SLC6A2: variants seen among roughly 807,000 people sequenced by gnomAD.
SLC6A2 encodes the protein solute carrier family 6 member 2.
In SLC6A2, 26 loss-of-function variants were observed where a neutral mutation model predicts 71.7. That is an observed-to-expected ratio of 0.36 (90% CI 0.27 to 0.50). The LOEUF (loss-of-function observed/expected upper bound fraction) is 0.50. Ranked by LOEUF, SLC6A2 falls within the 20% of genes least tolerant of loss-of-function variation. The pLI, the probability that SLC6A2 is intolerant of heterozygous loss-of-function variation, is 0.96. For synonymous variants in SLC6A2, 363 were observed against 337.9 expected (o/e 1.07, Z -0.82); for missense variants, 581 against 803.9 (o/e 0.72, Z 3.35).
intron 4 of SLC6A2, among the ~76,000 whole-genome samples, chr16:55,675,143 G>A (rs1335030789): frequency 6.6e-6 from 1 of 152,128 alleles, no homozygotes; most frequent in Non-Finnish European, 1.5e-5. Context: ...TGAGGAGGGC[G>A]ATGACTGACT....
At chr16:55,695,173 C>T (rs568939277) in intron 7 of SLC6A2, 105 bp from the exon 8 acceptor site, 5 of 1,361,368 alleles carry the variant, frequency 3.7e-6, no homozygotes, top group Non-Finnish European at 4.2e-6. Context: ...GGGGGGATGG[C>T]CTTTGAGGCT....
chr16:55,693,787 A>G (rs1278380081), intron 6 of SLC6A2, among the ~76,000 whole-genome samples: 1 of 152,188 alleles, frequency 6.6e-6, no homozygotes, highest in African/African-American at 2.4e-5. Context: ...GAGCTCACTC[A>G]CGACTACCCA....
chr16:55,669,682 G>GC lies in SLC6A2; in HGVS notation c.395dup (p.Phe133IlefsTer83), dbSNP rs1339442066. The GC allele has an allele frequency of 6.2e-7, 1 of 1,614,024 alleles. No homozygotes were observed. Among genetic ancestry groups the GC allele is most frequent in the Non-Finnish European group, 8.5e-7 (1 of 1,180,026 alleles). The stretch of plus-strand genomic sequence containing the variant: ...GGGGCTGCCACCGTTTGGAAAATCT[G>GC]CCCATTCTTCAAAGGTAAAGAAGGG... On this transcript the variant is annotated frameshift_variant, in exon 3 of 15. Coordinates refer to ENST00000568943, the MANE Select transcript of SLC6A2 (RefSeq NM_001172501.3). LOFTEE classifies it high-confidence loss of function.
Position 55,703,954 on chromosome 16 carries a change from A to G in SLC6A2, c.*1608A>G, listed in dbSNP as rs1391824105. On this transcript the variant is annotated 3_prime_UTR_variant, in exon 15 of 15. Transcript: ENST00000568943. ...AGGTCATTCTATAGATAAAAGAGGGAAAATCAGGAGACTTTGAATCTTTCT... is the reference window on the plus strand; with the variant it reads ...AGGTCATTCTATAGATAAAAGAGGGGAAATCAGGAGACTTTGAATCTTTCT... Among the ~76,000 whole-genome samples the G allele has an allele frequency of 1.3e-5, 2 of 152,024 alleles. No individual in the cohort carries two copies. The highest frequency in any genetic ancestry group is 4.8e-5 in the African/African-American group (2 of 41,362).
intron 3 of SLC6A2, among the ~76,000 whole-genome samples, chr16:55,670,777 A>G (rs1964884559): frequency 6.6e-6 from 1 of 152,218 alleles, no homozygotes; most frequent in Non-Finnish European, 1.5e-5. Flanking sequence ...CTTGAGTCAT[A>G]TGCCCATCTA....
chr16:55,687,108 A>T (rs1365576460), intron 5 of SLC6A2, among the ~76,000 whole-genome samples: 2 of 152,294 alleles, frequency 1.3e-5, no homozygotes, highest in African/African-American at 4.8e-5. Context: ...TTGGGTCTCT[A>T]TCCAGAGAAC....
At position 55,703,686 on chromosome 16, in the gene SLC6A2, G is replaced by C. The variant is rs1966040017; in HGVS notation, c.*1340G>C. 1 of 985,300 alleles carries C rather than the reference G, an allele frequency of 1.0e-6. No individual in the cohort carries two copies. The highest frequency in any genetic ancestry group is 4.7e-5 in the South Asian group (1 of 21,288). 61.0% of individuals were successfully genotyped at this position (985,300 alleles called of 1,614,324 possible). A position where few individuals can be genotyped will look rare whatever the true frequency, so the allele number is the denominator to read the frequency against. ...TGGGAGGGGTTTCTGTTTATGGTTAGAGTCTCTTACACCCTTGTTGGAGGG... is the reference window on the plus strand; with the variant it reads ...TGGGAGGGGTTTCTGTTTATGGTTACAGTCTCTTACACCCTTGTTGGAGGG... On this transcript the variant is annotated 3_prime_UTR_variant, in exon 15 of 15. Transcript: ENST00000568943.
At chr16:55,695,537 G>A (rs1197022272) in intron 8 of SLC6A2, 135 bp downstream of exon 8, 56 of 971,704 alleles carry the variant, frequency 5.8e-5, no homozygotes, top group African/African-American at 1.6e-5. Flanking sequence ...CCACCCATGT[G>A]ATTGACTTTC....
rs1206839097 is a variant in SLC6A2 at position 55,702,740 on chromosome 16, C to A, written c.*394C>A. On this transcript the variant is annotated 3_prime_UTR_variant, in exon 15 of 15. Coordinates refer to ENST00000568943, the MANE Select transcript of SLC6A2 (RefSeq NM_001172501.3). ...GAGAGGATGGGCTTTTGATCAGATA[C>A]CCCTCCCAAAAAAAAAAAAAACTAA... 9 of 947,480 alleles carry A rather than the reference C, an allele frequency of 9.5e-6. No individual in the cohort carries two copies. In the African/African-American group the frequency reaches 2.5e-4, roughly 26 times the overall value. The allele number at this position is 947,480 out of a possible 1,614,324, so 58.7% of individuals were successfully genotyped here.
At chr16:55,696,648 T>C (rs999641454) in intron 9 of SLC6A2, among the ~76,000 whole-genome samples, 2 of 152,304 alleles carry the variant, frequency 1.3e-5, no homozygotes, top group Middle Eastern at 3.4e-3. Flanking sequence ...AGATAAAATC[T>C]TGTGCTCTAA....
intron 4 of SLC6A2, among the ~76,000 whole-genome samples, chr16:55,682,868 C>T (rs1388238643): frequency 5.3e-5 from 8 of 152,182 alleles, no homozygotes; most frequent in Admixed American, 3.9e-4. Context: ...CTCCCTTGAA[C>T]CTCCCAACAT....
chr16:55,703,514 A>G lies in SLC6A2; in HGVS notation c.*1168A>G. 5.1e-6 allele frequency: 5 copies of G among 985,442 alleles called. No individual in the cohort carries two copies. The highest frequency in any genetic ancestry group is 6.0e-6 in the Non-Finnish European group (5 of 829,940). 61.0% of individuals were successfully genotyped at this position (985,442 alleles called of 1,614,324 possible). On this transcript the variant is annotated 3_prime_UTR_variant, in exon 15 of 15. Coordinates refer to ENST00000568943, the MANE Select transcript of SLC6A2 (RefSeq NM_001172501.3). The stretch of plus-strand genomic sequence containing the variant: ...GTGGAGGGGAGAATTTTGAGAGTGG[A>G]TGGAACAGTTTGGTGGTTTCAGAGA...
At chr16:55,685,325 C>T (rs776555769) in intron 5 of SLC6A2, 44 bp downstream of exon 5, 1 of 1,590,972 alleles carries the variant, frequency 6.3e-7, no homozygotes, top group Non-Finnish European at 8.6e-7. Flanking sequence ...GGTGATCAAC[C>T]TTGGGGGGTG....
Position 55,662,732 on chromosome 16 carries a change from C to T in SLC6A2, c.274+5764C>T, listed in dbSNP as rs763944812. Among the ~76,000 whole-genome samples, 12 of 152,296 alleles carry T rather than the reference C, an allele frequency of 7.9e-5. No homozygotes were observed. The South Asian group carries it at 1.2e-3, about 16-fold the overall frequency. On this transcript the variant is annotated intron_variant, in intron 2 of 14. Transcript: ENST00000568943. ...TACCACATGAGGAGGGGTAGCCCGG[C>T]GCCAGTTTCCCTGAATTCCACCCCC...
At chr16:55,673,149 C>T (rs187852755) in intron 4 of SLC6A2, among the ~76,000 whole-genome samples, 63 of 152,280 alleles carry the variant, frequency 4.1e-4, no homozygotes, top group East Asian at 1.4e-3. Flanking sequence ...TTGAAAAGTA[C>T]GGTCAGTTAC....
At chr16:55,659,356 A>T (rs1469146370) in intron 2 of SLC6A2, among the ~76,000 whole-genome samples, 2 of 152,190 alleles carry the variant, frequency 1.3e-5, no homozygotes, top group Non-Finnish European at 2.9e-5. Context: ...CATTGCCAGC[A>T]AAATAAAGAG....
intron 9 of SLC6A2, 134 bp from the exon 10 acceptor site, chr16:55,697,754 GGCAGGACGT>G: frequency 1.3e-6 from 1 of 772,360 alleles, no homozygotes; most frequent in East Asian, 2.7e-5. Context: ...GGATGGGGAA[GGCAGGACGT>G]GCTGATTTCT....
At chr16:55,687,864 G>T (rs1250136799) in intron 5 of SLC6A2, among the ~76,000 whole-genome samples, 4 of 152,202 alleles carry the variant, frequency 2.6e-5, no homozygotes, top group Non-Finnish European at 4.4e-5. Context: ...GAGGAGTAAG[G>T]CTGAGCATGC....
At chr16:55,678,156 A>G (rs1287732341) in intron 4 of SLC6A2, among the ~76,000 whole-genome samples, 1 of 152,148 alleles carries the variant, frequency 6.6e-6, no homozygotes, top group African/African-American at 2.4e-5. Flanking sequence ...CAGATAAGAG[A>G]GTGTAGGCTC....
Sources: allele counts gnomAD v4.1 joint callset (sites outside exome capture counted in the v4.1 genomes callset), GRCh38; gene constraint gnomAD v4.1.1; transcripts MANE v1.5; gene names NCBI Gene and HGNC (gene_info 2026-07-23, HGNC 2026-07-21).